Variants in SLAIN2 observed in about 807,000 individuals in gnomAD.
The protein encoded by SLAIN2 is SLAIN motif-containing protein 2.
SLAIN2 carries 31 observed loss-of-function variants against 56.6 expected under a neutral mutation model. The observed-to-expected ratio is 0.55, with a 90% CI of 0.41 to 0.74. SLAIN2 has a LOEUF of 0.74. Among genes scored for constraint, SLAIN2 ranks in the 30% least tolerant of loss-of-function variants. The probability of loss-of-function intolerance (pLI) is 0.00; values close to 1 mark genes in which losing one functional copy is unlikely to be tolerated. For missense variants in SLAIN2, 777 were observed against 754.2 expected, an observed-to-expected ratio of 1.03 and a Z score of -0.35; for synonymous variants, 317 against 284.9, an observed-to-expected ratio of 1.11 and a Z score of -1.13.
At chr4:48,365,334 G>T (rs1047473346) in intron 1 of SLAIN2, among the ~76,000 whole-genome samples, 2 of 150,846 alleles carry the variant, frequency 1.3e-5, no homozygotes, top group Admixed American at 1.3e-4. Flanking sequence ...GTTGGGCGTG[G>T]TGGCGGGCAC....
chr4:48,424,247 T>G lies in SLAIN2; in HGVS notation c.*2170T>G, dbSNP rs2109794547. On this transcript the variant is annotated 3_prime_UTR_variant, in exon 8 of 8. Coordinates refer to ENST00000264313, the MANE Select transcript of SLAIN2 (RefSeq NM_020846.2). ...TGTTGTACTACCACAGACTGTTGACTTTTAGTTTCTTAAAGAGAAAAATTG... is the reference window on the plus strand; with the variant it reads ...TGTTGTACTACCACAGACTGTTGACGTTTAGTTTCTTAAAGAGAAAAATTG... 1 of 152,270 alleles carries G rather than the reference T, an allele frequency of 6.6e-6. No individual in the cohort carries two copies. Among genetic ancestry groups the G allele is most frequent in the Non-Finnish European group, 1.5e-5 (1 of 67,994 alleles). The allele number at this position is 152,270 out of a possible 1,614,324, so 9.4% of individuals were successfully genotyped here. A position where few individuals can be genotyped will look rare whatever the true frequency, so the allele number is the denominator to read the frequency against.
chr4:48,408,550 A>T (rs1716764274), intron 6 of SLAIN2, among the ~76,000 whole-genome samples: 1 of 150,620 alleles, frequency 6.6e-6, no homozygotes, highest in African/African-American at 2.4e-5. Flanking sequence ...AAAAAAAAAA[A>T]TTCAGGTGAA....
chr4:48,359,799 A>G (rs539434358), intron 1 of SLAIN2, among the ~76,000 whole-genome samples: 2 of 152,336 alleles, frequency 1.3e-5, no homozygotes, highest in South Asian at 4.1e-4. Flanking sequence ...TAAGCTTTAT[A>G]TAACTTTATT....
chr4:48,412,173 G>C (rs1226819467), intron 6 of SLAIN2, among the ~76,000 whole-genome samples: 1 of 152,018 alleles, frequency 6.6e-6, no homozygotes, highest in Admixed American at 6.6e-5. Flanking sequence ...AGTTATATAG[G>C]TATAGATGTA....
At chr4:48,373,968 G>T (rs1715736353) in intron 2 of SLAIN2, among the ~76,000 whole-genome samples, 1 of 152,138 alleles carries the variant, frequency 6.6e-6, no homozygotes, top group Non-Finnish European at 1.5e-5. Flanking sequence ...AACCCCGGTG[G>T]TGGAGGTTGT....
intron 1 of SLAIN2, among the ~76,000 whole-genome samples, chr4:48,356,365 TATATGCAGTTGTAGCTGAAAAG>T: frequency 6.6e-6 from 1 of 152,190 alleles, no homozygotes; most frequent in South Asian, 2.1e-4. Flanking sequence ...TTGCTATCTA[TATATGCAGTTGTAGCTGAAAAG>T]ATCTGTACTA....
At chr4:48,410,509 C>G (rs1305913334) in intron 6 of SLAIN2, among the ~76,000 whole-genome samples, 1 of 152,116 alleles carries the variant, frequency 6.6e-6, no homozygotes, top group Non-Finnish European at 1.5e-5. Context: ...GTGCCTAACC[C>G]TAGTCATTAC....
At chr4:48,383,536 T>C in intron 5 of SLAIN2, 111 bp from the exon 6 acceptor site, 1 of 1,040,120 alleles carries the variant, frequency 9.6e-7, no homozygotes, top group South Asian at 2.2e-5. Flanking sequence ...TTTTCTCATC[T>C]AAAATAAACA....
At chr4:48,367,287 G>GAAACAAAGGGACACTGAAA (rs1715545151) in intron 1 of SLAIN2, among the ~76,000 whole-genome samples, 2 of 152,212 alleles carry the variant, frequency 1.3e-5, no homozygotes, top group African/African-American at 4.8e-5. Context: ...ACTTCAGGTA[G>GAAACAAAGGGACACTGAAA]TAATACATAG....
At position 48,378,045 on chromosome 4, in the gene SLAIN2, C is replaced by A. The variant is rs777137222; in HGVS notation, c.688C>A (p.Leu230Ile). The change falls in exon 3 of 8, where the codon CTT becomes ATT. Residue 230 changes from leucine to isoleucine, a missense_variant. By Grantham distance (5) the Leu-to-Ile change is conservative. Coordinates refer to ENST00000264313, the MANE Select transcript of SLAIN2 (RefSeq NM_020846.2). ...VRPPIVKQLI[L>I]PGNSGNLKSS... ...ACCTCCTATAGTCAAACAGCTTATA[C>A]TTCCTGGAAATTCAGGTAAGGAGAA... 1 of 1,612,726 alleles carries A rather than the reference C, an allele frequency of 6.2e-7. No homozygotes were observed. Among genetic ancestry groups the A allele is most frequent in the African/African-American group, 1.3e-5 (1 of 74,814 alleles).
chr4:48,393,743 T>G (rs1267358027), intron 6 of SLAIN2, among the ~76,000 whole-genome samples: 1 of 152,074 alleles, frequency 6.6e-6, no homozygotes, highest in Non-Finnish European at 1.5e-5. Context: ...CACTGGTAGG[T>G]GTGAGAGTCA....
chr4:48,386,489 A>G (rs143191007), intron 6 of SLAIN2, among the ~76,000 whole-genome samples: 2 of 152,322 alleles, frequency 1.3e-5, no homozygotes, highest in East Asian at 1.9e-4. Context: ...CCAGAAATAT[A>G]ATTTCCATTT....
At chr4:48,402,534 A>G (rs1236386720) in intron 6 of SLAIN2, among the ~76,000 whole-genome samples, 1 of 152,068 alleles carries the variant, frequency 6.6e-6, no homozygotes, top group East Asian at 1.9e-4. Context: ...TCTTTCCTCC[A>G]CTTGGTCTCT....
At position 48,346,009 on chromosome 4, in the gene SLAIN2, G is replaced by A. The variant is rs192372502; in HGVS notation, c.389+3881G>A. 1.7e-3 allele frequency among the ~76,000 whole-genome samples: 258 copies of A among 152,088 alleles called. 1 individual carries two copies. The highest frequency in any genetic ancestry group is 6.0e-3 in the African/African-American group (248 of 41,460). ...ACATTATGATTTTGTAAAGTGCCTT[G>A]CTATAATTAAGCTATACTCTGCCTA... On this transcript the variant is annotated intron_variant, in intron 1 of 7. Transcript: ENST00000264313.
intron 6 of SLAIN2, among the ~76,000 whole-genome samples, chr4:48,389,257 AAATTTT>A: frequency 6.6e-6 from 1 of 152,142 alleles, no homozygotes; most frequent in East Asian, 1.9e-4. Flanking sequence ...TTACCGCTGG[AAATTTT>A]GATTGAATGC....
chr4:48,369,978 A>C lies in SLAIN2; in HGVS notation c.519A>C (p.Lys173Asn), dbSNP rs1289663754. Residue 173 changes from lysine to asparagine, a missense_variant, in exon 2 of 8, where the codon AAA (lysine) becomes AAC (asparagine). Physicochemically the swap from Lys to Asn is moderately conservative, Grantham distance 94 (BLOSUM62 0). Coordinates refer to ENST00000264313, the MANE Select transcript of SLAIN2 (RefSeq NM_020846.2). ...VECAKKSLIHKLDQTMSALKR... is the reference protein window; with the variant it reads ...VECAKKSLIHNLDQTMSALKR... Reference sequence around the variant, plus strand: ...GTGCTAAAAAATCTCTTATCCACAAACTTGATCAAACTATGTCAGGTATGT... The same window carrying C: ...GTGCTAAAAAATCTCTTATCCACAACCTTGATCAAACTATGTCAGGTATGT... 1 of 1,613,550 alleles carries C rather than the reference A, an allele frequency of 6.2e-7. No individual in the cohort carries two copies. The highest frequency in any genetic ancestry group is 8.5e-7 in the Non-Finnish European group (1 of 1,179,620).
intron 3 of SLAIN2, among the ~76,000 whole-genome samples, chr4:48,378,427 T>TA (rs1260078827): frequency 6.6e-6 from 1 of 152,220 alleles, no homozygotes. Context: ...TAAACTTTGA[T>TA]ACTGCAGCTA....
Position 48,422,082 on chromosome 4 carries a change from C to A in SLAIN2, c.*5C>A. ...TGGAAAGATGGCTGTTACTGACCAG[C>A]AAAGACAAGAATGCAGAAGTCCACG... On this transcript the variant is annotated 3_prime_UTR_variant, in exon 8 of 8. Coordinates refer to ENST00000264313, the MANE Select transcript of SLAIN2 (RefSeq NM_020846.2). 1 of 1,607,328 alleles carries A rather than the reference C, an allele frequency of 6.2e-7. No homozygotes were observed. The highest frequency in any genetic ancestry group is 8.5e-7 in the Non-Finnish European group (1 of 1,176,576).
At chr4:48,370,324 C>T (rs1468942911) in intron 2 of SLAIN2, among the ~76,000 whole-genome samples, 1 of 152,158 alleles carries the variant, frequency 6.6e-6, no homozygotes, top group Admixed American at 6.5e-5. Flanking sequence ...AAAATCCTCT[C>T]ACATTCCACT....
Sources: allele counts gnomAD v4.1 joint callset (sites outside exome capture counted in the v4.1 genomes callset), GRCh38; gene constraint gnomAD v4.1.1; transcripts MANE v1.5; gene names NCBI Gene and HGNC (gene_info 2026-07-23, HGNC 2026-07-21).